Variants in CCAR2 observed in about 807,000 individuals in gnomAD.
CCAR2 encodes cell cycle and apoptosis regulator protein 2.
CCAR2 carries 21 observed loss-of-function variants against 108.1 expected under a neutral mutation model. The observed-to-expected ratio is 0.19, with a 90% CI of 0.14 to 0.28. The LOEUF is 0.28. Among genes scored for constraint, CCAR2 ranks in the 10% least tolerant of loss-of-function variants. The probability of loss-of-function intolerance (pLI) is 1.00; values close to 1 mark genes in which losing one functional copy is unlikely to be tolerated. For missense variants in CCAR2, 1,126 were observed against 1,177.0 expected (o/e 0.96, Z 0.63); for synonymous variants, 577 against 472.8 (o/e 1.22, Z -2.86).
At chr8:22,617,866 C>T in intron 16 of CCAR2, 88 bp downstream of exon 16, 2 of 1,354,968 alleles carry the variant, frequency 1.5e-6, no homozygotes, top group South Asian at 2.4e-5. Context: ...GGATGCTTAC[C>T]AGTGACTTCC....
Position 22,615,542 on chromosome 8 carries a change from C to T in CCAR2, c.1323C>T (p.Ala441=), listed in dbSNP as rs140743871. 12 of 1,613,882 alleles carry T rather than the reference C, an allele frequency of 7.4e-6. No individual in the cohort carries two copies. Among genetic ancestry groups the T allele is most frequent in the Non-Finnish European group, 1.0e-5 (12 of 1,180,014 alleles). Residue 441 remains alanine, a synonymous_variant, in exon 12 of 21, where the codon GCC becomes GCT. Coordinates refer to ENST00000308511, the MANE Select transcript of CCAR2 (RefSeq NM_001393997.1). ...TIMPTLEEWE[A]LCQQKAAEAA... is the part of the protein sequence containing the mutation. ...TGCCTACTTTGGAGGAGTGGGAGGC[C>T]CTGTGCCAGCAGAAAGCTGCAGAGG...
intron 7 of CCAR2, chr8:22,612,786 G>C: frequency 2.6e-6 from 1 of 388,242 alleles, no homozygotes; most frequent in Non-Finnish European, 4.5e-6. Context: ...GAGGCCTACT[G>C]TGTATACAAT....
chr8:22,608,099 G>T, intron 7 of CCAR2, 34 bp downstream of exon 7: 1 of 1,468,816 alleles, frequency 6.8e-7, no homozygotes, highest in Non-Finnish European at 9.5e-7. Context: ...TTGGCCACTT[G>T]TTGACACTAA....
chr8:22,611,378 AAGT>A (rs1453760959), intron 7 of CCAR2, among the ~76,000 whole-genome samples: 91 of 61,806 alleles, frequency 1.5e-3, no homozygotes, highest in Non-Finnish European at 2.5e-3. Context: ...AAAAAAAAAA[AAGT>A]ATATATATGT....
chr8:22,615,347 T>G (rs1031594373), intron 11 of CCAR2, 78 bp from the exon 12 acceptor site: 1 of 1,524,438 alleles, frequency 6.6e-7, no homozygotes, highest in South Asian at 1.2e-5. Flanking sequence ...GACTGGAAAC[T>G]GAAGCCCTTG....
chr8:22,614,417 G>A lies in CCAR2; in HGVS notation c.955G>A (p.Glu319Lys). 1.2e-6 allele frequency: 2 copies of A among 1,614,182 alleles called. No homozygotes were observed. Among genetic ancestry groups the A allele is most frequent in the Non-Finnish European group, 1.7e-6 (2 of 1,180,048 alleles). The change falls in exon 10 of 21, where the codon GAG becomes AAG. Residue 319 changes from glutamate (E) to lysine (K), a missense_variant. Physicochemically the swap from Glu to Lys is moderately conservative, Grantham distance 56. This residue lies in a region of CCAR2 where 1,013 missense variants were observed against 993.9 expected (regional missense o/e 1.02). Transcript: ENST00000308511. ...KVLLLSSPGL[E>K]ELYRCCMLFV... ...ACTGCTGCTCTCTTCCCCGGGGTTG[G>A]AGGAATTGTATCGTTGTTGCATGCT...
chr8:22,619,689 C>A lies in CCAR2; in HGVS notation c.*7C>A. On this transcript the variant is annotated 3_prime_UTR_variant, in exon 21 of 21. Coordinates refer to ENST00000308511, the MANE Select transcript of CCAR2 (RefSeq NM_001393997.1). ...GCCGGCACCTAGCAACTGACGGCCT[C>A]GCACGGAACTGCCATCCTGTGAGGG... The A allele has an allele frequency of 6.4e-7, 1 of 1,566,392 alleles. No individual in the cohort carries two copies.
chr8:22,615,316 AGT>A, intron 11 of CCAR2, 107 bp from the exon 12 acceptor site: 1 of 1,321,790 alleles, frequency 7.6e-7, no homozygotes, highest in Non-Finnish European at 1.0e-6. Flanking sequence ...CTTGGTTCGC[AGT>A]GTGTGCTCAT....
Position 22,618,377 on chromosome 8 carries a change from T to A in CCAR2, c.2102T>A (p.Leu701His), listed in dbSNP as rs375549885. ...AAGGAGCTGGATCCCTCTGCTGTGC[T>A]CCCCTTAGACTGTCTGCTTGCTTTT... is the stretch of plus-strand genomic sequence containing the variant. Reference protein sequence around the residue: ...MPKELDPSAVLPLDCLLAFVF... With the variant: ...MPKELDPSAVHPLDCLLAFVF... The change falls in exon 17 of 21, where the codon CTC becomes CAC. Residue 701 changes from leucine (L) to histidine (H), a missense_variant. Leu to His is a moderately conservative substitution (Grantham distance 99, BLOSUM62 -3). This residue lies in a region of CCAR2 where 1,013 missense variants were observed against 993.9 expected (regional missense o/e 1.02). Coordinates refer to ENST00000308511, the MANE Select transcript of CCAR2 (RefSeq NM_001393997.1). 1 of 1,614,210 alleles carries A rather than the reference T, an allele frequency of 6.2e-7. No individual in the cohort carries two copies.
intron 6 of CCAR2, among the ~76,000 whole-genome samples, chr8:22,607,679 C>T (rs1563906253): frequency 6.6e-6 from 1 of 151,914 alleles, no homozygotes; most frequent in Non-Finnish European, 1.5e-5. Context: ...GGCTAGAGTA[C>T]AGTGGCGCGA....
intron 2 of CCAR2, 101 bp from the exon 3 acceptor site, chr8:22,605,984 G>C (rs1801063081): frequency 7.8e-7 from 1 of 1,277,490 alleles, no homozygotes; most frequent in Admixed American, 1.7e-5. Flanking sequence ...CTGTGGAGGA[G>C]CTGGCTGGAG....
downstream of CCAR2, chr8:22,621,327 T>C: frequency 6.8e-7 from 1 of 1,467,884 alleles, no homozygotes; most frequent in South Asian, 1.3e-5. Flanking sequence ...GGGCCACCTC[T>C]GTCCCCAGCC....
In CCAR2 at chr8:22,615,086, T is replaced by C. The variant is rs1189107850; in HGVS notation, c.1205+85T>C. 4.2e-6 allele frequency: 6 copies of C among 1,433,056 alleles called. No individual in the cohort carries two copies. The African/African-American group carries it at 7.2e-5, about 17-fold the overall frequency. The allele number at this position is 1,433,056 out of a possible 1,614,324, so 88.8% of individuals were successfully genotyped here. ...GGAAGGCCCGGTCCCTGCCCCTTTC[T>C]GCTGGTTAGCTCTCTGCCCCCTAGT... is the stretch of plus-strand genomic sequence containing the variant. On this transcript the variant is annotated intron_variant, in intron 11 of 20. Transcript: ENST00000308511.
At position 22,619,352 on chromosome 8, in the gene CCAR2, A is replaced by AAAGGT; in HGVS notation, c.2727+3_2727+7dup. ...AGCTGGAGATCCAGCGGGTGGTGGA[A>AAAGGT]AAGGTAAGGTGGGGGTGGACCAGGA... is the stretch of plus-strand genomic sequence containing the variant. On this transcript the variant is annotated frameshift_variant, in exon 20 of 21. Transcript: ENST00000308511. LOFTEE classifies it high-confidence loss of function. The AAAGGT allele has an allele frequency of 4.5e-6, 7 of 1,557,416 alleles. No homozygotes were observed. The highest frequency in any genetic ancestry group is 1.2e-5 in the South Asian group (1 of 84,628).
chr8:22,616,285 A>C (rs1207670599), intron 14 of CCAR2, 37 bp downstream of exon 14: 2 of 1,584,754 alleles, frequency 1.3e-6, no homozygotes, highest in Non-Finnish European at 8.6e-7. Context: ...CATAGTGCTT[A>C]CCGTGACCGC....
At position 22,617,535 on chromosome 8, in the gene CCAR2, T is replaced by G; in HGVS notation, c.1961T>G (p.Leu654Arg). The G allele has an allele frequency of 6.2e-7, 1 of 1,601,858 alleles. No homozygotes were observed. The highest frequency in any genetic ancestry group is 8.5e-7 in the Non-Finnish European group (1 of 1,173,432). ...ATGGCCCTGGACCCAGAACTGTTGC[T>G]TCTGAGGGATGATGGAGAGGAGGAG... ...CEMALDPELLLLRDDGEEEFA... is the reference protein window; with the variant it reads ...CEMALDPELLRLRDDGEEEFA... The change falls in exon 15 of 21, where the codon CTT becomes CGT. Residue 654 changes from leucine (L) to arginine (R), a missense_variant. Physicochemically the swap from Leu to Arg is moderately radical, Grantham distance 102. Coordinates refer to ENST00000308511, the MANE Select transcript of CCAR2 (RefSeq NM_001393997.1).
intron 11 of CCAR2, 28 bp downstream of exon 11, chr8:22,615,029 C>T: frequency 1.3e-6 from 2 of 1,520,570 alleles, no homozygotes; most frequent in Admixed American, 2.1e-5. Context: ...GCCTCAGCTG[C>T]ACCAACGCAC....
intron 6 of CCAR2, among the ~76,000 whole-genome samples, 190 bp from the exon 7 acceptor site, chr8:22,607,779 C>T (rs906461300): frequency 6.6e-6 from 1 of 152,168 alleles, no homozygotes; most frequent in Non-Finnish European, 1.5e-5. Flanking sequence ...CACCCACCAC[C>T]ATGCCCGGCT....
At position 22,618,315 on chromosome 8, in the gene CCAR2, T is replaced by A. The variant is rs138173952; in HGVS notation, c.2074-34T>A. ...GCGATAGAGCCACTGAGGGAACTAT[T>A]TGCAAATCCTGCTCATCTTTGTTTT... On this transcript the variant is annotated intron_variant, in intron 16 of 20. Coordinates refer to ENST00000308511, the MANE Select transcript of CCAR2 (RefSeq NM_001393997.1). 5.0e-6 allele frequency: 8 copies of A among 1,613,844 alleles called. No individual in the cohort carries two copies. The African/African-American group carries it at 6.7e-5, about 13-fold the overall frequency.
Sources: gnomAD v4.1 joint callset for allele counts (sites outside exome capture counted in the v4.1 genomes callset) on GRCh38, gnomAD v4.1.1 for gene constraint, gnomAD v4.1.1 regional missense constraint, MANE v1.5 for transcripts, NCBI Gene and HGNC (gene_info 2026-07-23, HGNC 2026-07-21) for gene names.